The following KIRREL3 variants were observed in gnomAD, a reference collection of about 807,000 sequenced individuals.
KIRREL3 encodes the protein kin of IRRE-like protein 3.
In KIRREL3, 36 loss-of-function variants were observed where a neutral mutation model predicts 89.7. The ratio of observed to expected loss-of-function variants is 0.40; its 90% CI spans 0.31 to 0.53. The LOEUF (loss-of-function observed/expected upper bound fraction) is 0.53. KIRREL3 is among the 20% of genes least tolerant of loss of function. The probability of loss-of-function intolerance (pLI) is 0.49; values close to 1 mark genes in which losing one functional copy is unlikely to be tolerated. For missense variants in KIRREL3, 864 were observed against 1,056.6 expected, an observed-to-expected ratio of 0.82 and a Z score of 2.53; for synonymous variants, 445 against 441.4, an observed-to-expected ratio of 1.01 and a Z score of -0.10.
At chr11:126,899,017 GTC>G (rs896831546) in intron 1 of KIRREL3, among the ~76,000 whole-genome samples, 1 of 150,994 alleles carries the variant, frequency 6.6e-6, no homozygotes, top group Non-Finnish European at 1.5e-5. Flanking sequence ...TTTGGGGGGG[GTC>G]TCTCGCATTC....
rs1047531494 is a variant in KIRREL3, at chr11:126,744,030, T to C, written c.56-181118A>G. Among the ~76,000 whole-genome samples, 2 of 152,166 alleles carry C rather than the reference T, an allele frequency of 1.3e-5. No homozygotes were observed. Among genetic ancestry groups the C allele is most frequent in the African/African-American group, 4.8e-5 (2 of 41,428 alleles). On this transcript the variant is annotated intron_variant, in intron 1 of 16. Transcript: ENST00000525144. This position sits in a 1 kb window ranked among gnomAD's most constrained non-coding sequence, Gnocchi z 4.7. ...TGACATTAGATTTGGGCCTTAGCAA[T>C]GGGCAGAATTTTGATAAGCAGAAAA...
At position 126,987,427 on chromosome 11, in the gene KIRREL3, C is replaced by G. The variant is rs1245657225; in HGVS notation, c.55+13028G>C. ...GATAATAAGAGTGAAAGGTAGATTT[C>G]CTGTTATTTTCACAGACAAACAGGA... On this transcript the variant is annotated intron_variant, in intron 1 of 16. Transcript: ENST00000525144. The surrounding 1 kb of genome is among the most constrained non-coding windows in gnomAD (Gnocchi z 4.6). Among the ~76,000 whole-genome samples, 2 of 152,182 alleles carry G rather than the reference C, an allele frequency of 1.3e-5. No individual in the cohort carries two copies. The highest frequency in any genetic ancestry group is 2.9e-5 in the Non-Finnish European group (2 of 68,036).
At chr11:126,758,459 A>T (rs1346740062) in intron 1 of KIRREL3, among the ~76,000 whole-genome samples, 1 of 152,234 alleles carries the variant, frequency 6.6e-6, no homozygotes, top group Non-Finnish European at 1.5e-5. Context: ...TTCCAATCTG[A>T]GCATGGGACA....
At chr11:126,679,249 C>T (rs947384772) in intron 1 of KIRREL3, among the ~76,000 whole-genome samples, 14 of 152,188 alleles carry the variant, frequency 9.2e-5, no homozygotes, top group African/African-American at 2.2e-4. Flanking sequence ...GCTGACAGCC[C>T]AACCCTGGGG....
intron 15 of KIRREL3, among the ~76,000 whole-genome samples, chr11:126,426,578 C>T (rs1412991798): frequency 1.3e-5 from 2 of 152,194 alleles, no homozygotes; most frequent in Non-Finnish European, 2.9e-5. Context: ...AATTATTAGA[C>T]ATAAGATGAA....
intron 1 of KIRREL3, among the ~76,000 whole-genome samples, chr11:126,779,624 A>G (rs933339606): frequency 6.6e-6 from 1 of 152,192 alleles, no homozygotes; most frequent in Non-Finnish European, 1.5e-5. Flanking sequence ...TTATGTCCAT[A>G]GTCTCAACAC....
chr11:126,804,405 A>G lies in KIRREL3; in HGVS notation c.55+196050T>C, dbSNP rs140636989. Among the ~76,000 whole-genome samples, 90 of 152,290 alleles carry G rather than the reference A, an allele frequency of 5.9e-4. 1 individual carries two copies. In the East Asian group the frequency reaches 0.015, roughly 26 times the overall value. ...AGTGGCAATTTTCTTCCTAAAATACATAAGGGTGGAAGGGAAATGTGTATA... is the reference window on the plus strand; with the variant it reads ...AGTGGCAATTTTCTTCCTAAAATACGTAAGGGTGGAAGGGAAATGTGTATA... On this transcript the variant is annotated intron_variant, in intron 1 of 16. Transcript: ENST00000525144.
In KIRREL3 at chr11:126,470,673, C is replaced by T. The variant is rs1956861199; in HGVS notation, c.591+2636G>A. ...AGTCTCTGAGGACAAGGAAAACCCT[C>T]AGACCTGAGGCGAGCGGGCGTTCTG... On this transcript the variant is annotated intron_variant, in intron 5 of 16. Transcript: ENST00000525144. 2.0e-5 allele frequency among the ~76,000 whole-genome samples: 3 copies of T among 152,346 alleles called. No homozygotes were observed. The South Asian group carries it at 6.2e-4, about 32-fold the overall frequency.
chr11:126,482,949 A>G (rs4937139), intron 4 of KIRREL3, among the ~76,000 whole-genome samples: 56,035 of 152,204 alleles, frequency 0.37, 10,525 homozygotes, highest in Admixed American at 0.45. Flanking sequence ...CAGTATCTGC[A>G]TTCAGAACAC....
rs148357551 is a variant in KIRREL3 at position 126,726,360 on chromosome 11, C to T, written c.56-163448G>A. Among the ~76,000 whole-genome samples, 587 of 151,620 alleles carry T rather than the reference C, an allele frequency of 3.9e-3. 7 individuals are homozygous for T. Among genetic ancestry groups the T allele is most frequent in the African/African-American group, 0.013 (548 of 41,022 alleles). On this transcript the variant is annotated intron_variant, in intron 1 of 16. Coordinates refer to ENST00000525144, the MANE Select transcript of KIRREL3 (RefSeq NM_032531.4). ...TGGCTTTATGAAAAAGTCTGAACTA[C>T]ACAAGATGCCTCCTTTTTTTCTTTT...
At position 126,924,393 on chromosome 11, in the gene KIRREL3, T is replaced by G. The variant is rs142311246; in HGVS notation, c.55+76062A>C. Among the ~76,000 whole-genome samples the G allele has an allele frequency of 4.6e-5, 7 of 152,314 alleles. No homozygotes were observed. The East Asian group carries it at 1.4e-3, about 29-fold the overall frequency. On this transcript the variant is annotated intron_variant, in intron 1 of 16. Coordinates refer to ENST00000525144, the MANE Select transcript of KIRREL3 (RefSeq NM_032531.4). This position sits in a 1 kb window ranked among gnomAD's most constrained non-coding sequence, Gnocchi z 4.7. ...CACCTAGCATAACACCAGGTCCTTATAAGTACTCAAAAAATATGTGTTCAA... is the reference window on the plus strand; with the variant it reads ...CACCTAGCATAACACCAGGTCCTTAGAAGTACTCAAAAAATATGTGTTCAA...
At chr11:126,450,561 A>ATGTGCGTGTGCATG (rs1956025972) in intron 7 of KIRREL3, among the ~76,000 whole-genome samples, 1 of 129,714 alleles carries the variant, frequency 7.7e-6, no homozygotes, top group Non-Finnish European at 1.6e-5. Flanking sequence ...GCATGTGTGC[A>ATGTGCGTGTGCATG]TGTGCGTGTG....
Position 126,969,218 on chromosome 11 carries a change from G to A in KIRREL3, c.55+31237C>T, listed in dbSNP as rs1350976847. Among the ~76,000 whole-genome samples, 1 of 152,114 alleles carries A rather than the reference G, an allele frequency of 6.6e-6. No homozygotes were observed. Among genetic ancestry groups the A allele is most frequent in the Non-Finnish European group, 1.5e-5 (1 of 68,020 alleles). On this transcript the variant is annotated intron_variant, in intron 1 of 16. Transcript: ENST00000525144. The surrounding 1 kb of genome is among the most constrained non-coding windows in gnomAD (Gnocchi z 4.9). ...TCCGTAGATACCGCAGTCAAGGGGC[G>A]ATTCACTCCATTTACTGACACAATA...
intron 1 of KIRREL3, among the ~76,000 whole-genome samples, chr11:126,600,531 C>A (rs1015336710): frequency 6.6e-6 from 1 of 152,170 alleles, no homozygotes; most frequent in Admixed American, 6.5e-5. Flanking sequence ...ACCTTTCATA[C>A]CCACGAGCTA....
chr11:126,987,508 A>G lies in KIRREL3; in HGVS notation c.55+12947T>C, dbSNP rs1565480619. Among the ~76,000 whole-genome samples, 1 of 152,208 alleles carries G rather than the reference A, an allele frequency of 6.6e-6. No homozygotes were observed. The highest frequency in any genetic ancestry group is 2.1e-4 in the South Asian group (1 of 4,822). ...TGTCTTGATTCTGACCAGTTCCAGTATTCAGCTGTTTTCACCTGTAAAGTA... is the reference window on the plus strand; with the variant it reads ...TGTCTTGATTCTGACCAGTTCCAGTGTTCAGCTGTTTTCACCTGTAAAGTA... On this transcript the variant is annotated intron_variant, in intron 1 of 16. Coordinates refer to ENST00000525144, the MANE Select transcript of KIRREL3 (RefSeq NM_032531.4). The surrounding 1 kb of genome is among the most constrained non-coding windows in gnomAD (Gnocchi z 4.6).
rs1318303015 is a variant in KIRREL3, at chr11:126,995,323, T to C, written c.55+5132A>G. 2.2e-6 allele frequency: 1 copy of C among 456,186 alleles called. No homozygotes were observed. The highest frequency in any genetic ancestry group is 2.3e-5 in the Admixed American group (1 of 42,576). The allele number at this position is 456,186 out of a possible 1,614,324, so 28.3% of individuals were successfully genotyped here. On this transcript the variant is annotated intron_variant, in intron 1 of 16. Coordinates refer to ENST00000525144, the MANE Select transcript of KIRREL3 (RefSeq NM_032531.4). This position sits in a 1 kb window ranked among gnomAD's most constrained non-coding sequence, Gnocchi z 6.5. ...ATCACTGTGGTGGGGGGAGTTGAAG[T>C]GTGCATTCCAGCATGCTCATGATCT...
chr11:126,889,308 T>A (rs1296662201), intron 1 of KIRREL3, among the ~76,000 whole-genome samples: 1 of 151,992 alleles, frequency 6.6e-6, no homozygotes, highest in Non-Finnish European at 1.5e-5. Flanking sequence ...ATACTTCATA[T>A]AAATAAAATC....
chr11:126,662,310 C>G (rs1465770774), intron 1 of KIRREL3, among the ~76,000 whole-genome samples: 1 of 152,182 alleles, frequency 6.6e-6, no homozygotes, highest in Admixed American at 6.5e-5. Flanking sequence ...TCAAAGAAAC[C>G]AGAAAACGGG....
intron 1 of KIRREL3, among the ~76,000 whole-genome samples, chr11:126,825,821 C>A: frequency 6.6e-6 from 1 of 152,178 alleles, no homozygotes; most frequent in East Asian, 1.9e-4. Flanking sequence ...AAAACTGGGG[C>A]ACAGAGGGAT....
Sources: allele counts gnomAD v4.1 joint callset (sites outside exome capture counted in the v4.1 genomes callset), GRCh38; gene constraint gnomAD v4.1.1; non-coding constraint Gnocchi (gnomAD v3.1); transcripts MANE v1.5; gene names NCBI Gene and HGNC (gene_info 2026-07-23, HGNC 2026-07-21).